MYO10: variants seen among roughly 807,000 people sequenced by gnomAD.
MYO10 encodes the protein myosin X.
Under a neutral mutation model 257.3 loss-of-function variants are expected in MYO10, and 133 were observed. The ratio of observed to expected loss-of-function variants is 0.52; its 90% CI spans 0.45 to 0.60. MYO10 has a LOEUF of 0.60. Ranked by LOEUF, MYO10 falls within the 20% of genes least tolerant of loss-of-function variation. The pLI, the probability that MYO10 is intolerant of heterozygous loss-of-function variation, is 0.00. For synonymous variants in MYO10, 1,104 were observed against 1,028.6 expected (o/e 1.07, Z -1.40); for missense variants, 2,399 against 2,635.7 (o/e 0.91, Z 1.97).
intron 7 of MYO10, 31 bp downstream of exon 7, chr5:16,780,697 A>G (rs1741397149): frequency 8.3e-6 from 13 of 1,559,564 alleles, no homozygotes; most frequent in Non-Finnish European, 1.1e-5. Flanking sequence ...TTATTATGGA[A>G]GAAAATGTGG....
Position 16,693,775 on chromosome 5 carries a change from T to C in MYO10, c.3800+596A>G, listed in dbSNP as rs146593544. On this transcript the variant is annotated intron_variant, in intron 27 of 40. Transcript: ENST00000513610. ...AACTCCCAACAATTTTCTGGAAACA[T>C]TACTTAGTCTTTTAACAAAAATAAT... is the stretch of plus-strand genomic sequence containing the variant. 4.3e-3 allele frequency among the ~76,000 whole-genome samples: 660 copies of C among 152,282 alleles called. 6 individuals carry two copies. Among genetic ancestry groups the C allele is most frequent in the Non-Finnish European group, 5.4e-3 (368 of 68,012 alleles).
chr5:16,717,322 A>T (rs1738917176), intron 19 of MYO10, among the ~76,000 whole-genome samples: 1 of 152,218 alleles, frequency 6.6e-6, no homozygotes, highest in Non-Finnish European at 1.5e-5. Context: ...AAACTTCTTT[A>T]GGGAAAAGAT....
At position 16,694,713 on chromosome 5, in the gene MYO10, A is replaced by C. The variant is rs545577688; in HGVS notation, c.3557-99T>G. ...CAGGTGTTAAGGTCTAGCCGAGCTT[A>C]GACTCTGCCCCAGCCGCAGCACCGC... On this transcript the variant is annotated intron_variant, in intron 26 of 40. Transcript: ENST00000513610. The C allele has an allele frequency of 4.0e-6, 6 of 1,488,756 alleles. No individual in the cohort carries two copies. In the African/African-American group the frequency reaches 8.3e-5, roughly 20 times the overall value. The allele number at this position is 1,488,756 out of a possible 1,614,324, so 92.2% of individuals were successfully genotyped here. A position where few individuals can be genotyped will look rare whatever the true frequency, so the allele number is the denominator to read the frequency against.
At chr5:16,703,405 C>T (rs1738177064) in intron 22 of MYO10, among the ~76,000 whole-genome samples, 1 of 152,082 alleles carries the variant, frequency 6.6e-6, no homozygotes. Context: ...AACACATAAC[C>T]CCTCATGTTG....
intron 21 of MYO10, 172 bp downstream of exon 21, chr5:16,710,736 T>C (rs1381877516): frequency 1.6e-6 from 1 of 612,956 alleles, no homozygotes; most frequent in Non-Finnish European, 2.9e-6. Context: ...TCACTTCAAA[T>C]AAAATAGTAA....
At chr5:16,719,989 C>CGTGCGT (rs1554039262) in intron 19 of MYO10, among the ~76,000 whole-genome samples, 352 of 143,554 alleles carry the variant, frequency 2.5e-3, no homozygotes, top group African/African-American at 7.6e-3. Flanking sequence ...TGTGTGCGTG[C>CGTGCGT]GTGTGTGTGT....
At chr5:16,705,944 G>A (rs1316000224) in intron 21 of MYO10, among the ~76,000 whole-genome samples, 1 of 152,184 alleles carries the variant, frequency 6.6e-6, no homozygotes, top group South Asian at 2.1e-4. Context: ...CACTCTGGGA[G>A]GCCGAGGCAG....
intron 13 of MYO10, 37 bp from the exon 14 acceptor site, chr5:16,763,584 A>G: frequency 6.3e-7 from 1 of 1,592,568 alleles, no homozygotes; most frequent in Non-Finnish European, 8.6e-7. Context: ...TTAAATGAAA[A>G]CATAGCTTCA....
At chr5:16,830,591 T>A (rs1743133765) in intron 2 of MYO10, among the ~76,000 whole-genome samples, 1 of 152,102 alleles carries the variant, frequency 6.6e-6, no homozygotes, top group Non-Finnish European at 1.5e-5. Flanking sequence ...AAATGGTTTT[T>A]TCATTGTGGA....
chr5:16,703,223 G>A, intron 22 of MYO10, 65 bp from the exon 23 acceptor site: 1 of 1,253,454 alleles, frequency 8.0e-7, no homozygotes, highest in Non-Finnish European at 1.1e-6. Context: ...ATTCAAATGA[G>A]CTCACATCAA....
At chr5:16,752,566 G>A (rs891538768) in intron 19 of MYO10, among the ~76,000 whole-genome samples, 2 of 152,192 alleles carry the variant, frequency 1.3e-5, no homozygotes, top group African/African-American at 2.4e-5. Flanking sequence ...GATTACAGGC[G>A]TGAGCCACCA....
intron 29 of MYO10, among the ~76,000 whole-genome samples, chr5:16,684,283 T>C (rs1247564416): frequency 6.6e-6 from 1 of 152,240 alleles, no homozygotes; most frequent in Non-Finnish European, 1.5e-5. Flanking sequence ...TTTCACTCTG[T>C]TGCCCAGGCT....
At chr5:16,902,466 A>T in intron 1 of MYO10, 1 of 1,457,528 alleles carries the variant, frequency 6.9e-7, no homozygotes, top group Non-Finnish European at 9.5e-7. Flanking sequence ...ATAGGCATCG[A>T]AGACGCTCGC....
chr5:16,663,746 G>A lies in MYO10; in HGVS notation c.*2946C>T, dbSNP rs1736059117. 4 of 152,164 alleles carry A rather than the reference G, an allele frequency of 2.6e-5. No individual in the cohort carries two copies. The South Asian group carries it at 8.3e-4, about 32-fold the overall frequency. The allele number at this position is 152,164 out of a possible 1,614,324, so 9.4% of individuals were successfully genotyped here. ...AAACACAGACACACACGGTATAACA[G>A]CTATTTATGCAGCATTTATGTTGTG... On this transcript the variant is annotated 3_prime_UTR_variant, in exon 41 of 41. Coordinates refer to ENST00000513610, the MANE Select transcript of MYO10 (RefSeq NM_012334.3).
At chr5:16,678,362 C>T (rs1009796517) in intron 33 of MYO10, among the ~76,000 whole-genome samples, 1 of 152,062 alleles carries the variant, frequency 6.6e-6, no homozygotes, top group Non-Finnish European at 1.5e-5. Context: ...GGCAGATCAC[C>T]TGAGGTCAGG....
intron 1 of MYO10, among the ~76,000 whole-genome samples, chr5:16,889,415 A>G (rs1319298377): frequency 6.6e-6 from 1 of 151,512 alleles, no homozygotes; most frequent in East Asian, 1.9e-4. Flanking sequence ...AGAAAGACAG[A>G]AAGACTGACA....
intron 2 of MYO10, among the ~76,000 whole-genome samples, chr5:16,841,103 C>A (rs1239872343): frequency 6.6e-6 from 1 of 151,308 alleles, no homozygotes; most frequent in Non-Finnish European, 1.5e-5. Flanking sequence ...CGAGATCTCG[C>A]CATTGCACTC....
intron 9 of MYO10, among the ~76,000 whole-genome samples, chr5:16,779,240 GGGGTTTTTTGGGGGTGGAAGGT>G (rs1447965509): frequency 9.9e-5 from 15 of 152,134 alleles, no homozygotes; most frequent in Non-Finnish European, 1.9e-4. Flanking sequence ...CATGATTTGG[GGGGTTTTTTGGGGGTGGAAGGT>G]ACACTTTCTG....
intron 1 of MYO10, 40 bp from the exon 2 acceptor site, chr5:16,877,747 G>A (rs1257181337): frequency 4.0e-6 from 6 of 1,512,286 alleles, no homozygotes; most frequent in Non-Finnish European, 2.7e-6. Flanking sequence ...AGTTTGGATT[G>A]CATTTTGTGG....
Sources: allele counts gnomAD v4.1 joint callset (sites outside exome capture counted in the v4.1 genomes callset), GRCh38; gene constraint gnomAD v4.1.1; transcripts MANE v1.5; gene names NCBI Gene and HGNC (gene_info 2026-07-23, HGNC 2026-07-21).